DISP1: variants seen among roughly 807,000 people sequenced by gnomAD.
The protein encoded by DISP1 is dispatched RND transporter family member 1, also known as protein dispatched homolog 1.
DISP1 carries 30 observed loss-of-function variants against 37.3 expected under a neutral mutation model. The ratio of observed to expected loss-of-function variants is 0.80; its 90% confidence interval spans 0.60 to 1.09. DISP1 has a LOEUF of 1.09. DISP1 is among the 50% of genes least tolerant of loss of function. The pLI, the probability that DISP1 is intolerant of heterozygous loss-of-function variation, is 0.00. For synonymous variants in DISP1, 634 were observed against 690.2 expected (o/e 0.92, Z 1.28); for missense variants, 1,598 against 1,879.5 (o/e 0.85, Z 2.77).
chr1:222,840,560 T>C (rs963883150), intron 1 of DISP1, among the ~76,000 whole-genome samples: 2 of 120,962 alleles, frequency 1.7e-5, no homozygotes, highest in African/African-American at 3.2e-5. Context: ...AGTATCTCTT[T>C]TTTTTTTTTT....
Position 223,005,646 on chromosome 1 carries a change from T to C in DISP1, c.4249T>C (p.Cys1417Arg), listed in dbSNP as rs184692250. 1.8e-4 allele frequency: 290 copies of C among 1,613,246 alleles called. 1 individual carries two copies. In the East Asian group the frequency reaches 6.3e-3, roughly 35 times the overall value. ...CCCCGAGAATAAACAAAGGGAACTC[T>C]GTAAAAATAGAGACGTGAGCAATCT... ...CDPENKQREL[C>R]KNRDVSNLES... The change falls in exon 9 of 9, where the codon TGT becomes CGT. Residue 1417 changes from cysteine to arginine, a missense_variant. Cys to Arg is a radical substitution (Grantham distance 180, BLOSUM62 -3). Coordinates refer to ENST00000675850, the MANE Select transcript of DISP1 (RefSeq NM_001377229.1).
chr1:222,884,007 G>C (rs1670430948), intron 1 of DISP1, among the ~76,000 whole-genome samples: 1 of 152,132 alleles, frequency 6.6e-6, no homozygotes, highest in South Asian at 2.1e-4. Flanking sequence ...GCCTAATAGA[G>C]TGCCTGTCCT....
rs149866849 is a variant in DISP1 at position 222,904,757 on chromosome 1, G to A, written c.-158-23673G>A. On this transcript the variant is annotated intron_variant, in intron 1 of 8. Transcript: ENST00000675850. Reference sequence around the variant, plus strand: ...CAATTTTTGTGTTTTTAGTAGAGACGGGGTTTCACCATATTGGCCAGGCTG... The same window carrying A: ...CAATTTTTGTGTTTTTAGTAGAGACAGGGTTTCACCATATTGGCCAGGCTG... Among the ~76,000 whole-genome samples the A allele has an allele frequency of 3.4e-3, 516 of 151,908 alleles. 11 individuals carry two copies. Among genetic ancestry groups the A allele is most frequent in the Admixed American group, 0.018 (270 of 15,242 alleles).
In DISP1 at chr1:222,963,880, C is replaced by A. The variant is rs112559485; in HGVS notation, c.510-19200C>A. The stretch of plus-strand genomic sequence containing the variant: ...CACATTCTGCACATGTATCCCGGAA[C>A]TTAAAGTAAATTTTAAAGAAGAGAA... On this transcript the variant is annotated intron_variant, in intron 3 of 8. Transcript: ENST00000675850. Among the ~76,000 whole-genome samples, 990 of 151,876 alleles carry A rather than the reference C, an allele frequency of 6.5e-3. 11 individuals carry two copies. The highest frequency in any genetic ancestry group is 0.041 in the South Asian group (197 of 4,808).
chr1:222,939,381 T>A (rs1674209068), intron 2 of DISP1, among the ~76,000 whole-genome samples: 1 of 123,858 alleles, frequency 8.1e-6, no homozygotes. Context: ...TTTTTTTTTT[T>A]TACTGAGGAT....
At chr1:222,960,348 G>A (rs749263055) in intron 3 of DISP1, among the ~76,000 whole-genome samples, 3 of 152,238 alleles carry the variant, frequency 2.0e-5, no homozygotes, top group East Asian at 3.9e-4. Context: ...CATGGAAATC[G>A]AATAACCTGC....
chr1:222,984,668 AG>A (rs1167059173), intron 4 of DISP1, among the ~76,000 whole-genome samples: 4 of 151,996 alleles, frequency 2.6e-5, no homozygotes, highest in African/African-American at 9.7e-5. Context: ...ACTATTTTTA[AG>A]AGTACAGTTC....
chr1:222,849,116 A>T (rs961207742), intron 1 of DISP1, among the ~76,000 whole-genome samples: 13 of 152,150 alleles, frequency 8.5e-5, no homozygotes, highest in Non-Finnish European at 1.9e-4. Flanking sequence ...CTAATGTTCT[A>T]GTATTATTTT....
At chr1:222,959,446 A>G (rs1675862328) in intron 3 of DISP1, among the ~76,000 whole-genome samples, 1 of 152,280 alleles carries the variant, frequency 6.6e-6, no homozygotes, top group African/African-American at 2.4e-5. Context: ...CACACCTGTA[A>G]TCCCAGCACT....
chr1:222,855,419 T>C (rs1668494570), intron 1 of DISP1, among the ~76,000 whole-genome samples: 1 of 152,198 alleles, frequency 6.6e-6, no homozygotes, highest in South Asian at 2.1e-4. Context: ...TTGTATTATC[T>C]TCATTAGGAA....
intron 2 of DISP1, among the ~76,000 whole-genome samples, chr1:222,941,726 G>T (rs186759790): frequency 3.9e-4 from 60 of 152,210 alleles, no homozygotes; most frequent in African/African-American, 1.4e-3. Context: ...TGAAAAAGAT[G>T]ATTTCTTCTG....
intron 4 of DISP1, among the ~76,000 whole-genome samples, chr1:222,987,054 T>C (rs1475579926): frequency 6.6e-6 from 1 of 151,202 alleles, no homozygotes; most frequent in African/African-American, 2.4e-5. Flanking sequence ...TGGATATATA[T>C]ATATATATAT....
Position 223,005,702 on chromosome 1 carries a change from AGGAG to A in DISP1, c.4309_4312del (p.Gly1437LysfsTer4), listed in dbSNP as rs763292841. On this transcript the variant is annotated frameshift_variant, in exon 9 of 9. Transcript: ENST00000675850. LOFTEE classifies it low-confidence loss of function (END_TRUNC). ...GCAGTGGAGGGACTGAAAACAAGGC[AGGAG>A]GGAAAGTGGAGCTGAGCTTGTCACA... is the stretch of plus-strand genomic sequence containing the variant. 6 of 1,614,064 alleles carry A rather than the reference AGGAG, an allele frequency of 3.7e-6. No homozygotes were observed. The South Asian group carries it at 6.6e-5, about 18-fold the overall frequency.
At chr1:223,001,754 G>A (rs75213055) in intron 8 of DISP1, among the ~76,000 whole-genome samples, 2,771 of 152,198 alleles carry the variant, frequency 0.018, 79 homozygotes, top group African/African-American at 0.064. Context: ...TTGTGATTTA[G>A]TCACCTTCCA....
At chr1:222,818,034 G>A (rs1661690004) in intron 1 of DISP1, among the ~76,000 whole-genome samples, 1 of 152,134 alleles carries the variant, frequency 6.6e-6, no homozygotes. Flanking sequence ...ACTCACAATG[G>A]CAAATATTGT....
intron 1 of DISP1, among the ~76,000 whole-genome samples, chr1:222,917,343 TGCAGGGACAG>T (rs1171020962): frequency 9.9e-5 from 15 of 152,256 alleles, no homozygotes; most frequent in African/African-American, 3.1e-4. Context: ...AGCAGAGACT[TGCAGGGACAG>T]GGAGGGACAG....
intron 3 of DISP1, among the ~76,000 whole-genome samples, chr1:222,978,296 GT>G (rs1677550920): frequency 6.6e-6 from 1 of 152,084 alleles, no homozygotes; most frequent in African/African-American, 2.4e-5. Flanking sequence ...TTTTTCATGT[GT>G]TTTTTGGCTG....
At position 222,838,763 on chromosome 1, in the gene DISP1, T is replaced by G. The variant is rs185671788; in HGVS notation, c.-159+23685T>G. ...TCCAGCTTGTGCAACAGAGTGAGAC[T>G]GTGTCTCAAAAATATAAGTAAACTT... is the stretch of plus-strand genomic sequence containing the variant. On this transcript the variant is annotated intron_variant, in intron 1 of 8. Coordinates refer to ENST00000675850, the MANE Select transcript of DISP1 (RefSeq NM_001377229.1). Among the ~76,000 whole-genome samples, 16 of 152,378 alleles carry G rather than the reference T, an allele frequency of 1.1e-4. No individual in the cohort carries two copies. The East Asian group carries it at 3.1e-3, about 29-fold the overall frequency.
chr1:222,872,477 C>T (rs1669649202), intron 1 of DISP1: 1 of 152,140 alleles, frequency 6.6e-6, no homozygotes, highest in African/African-American at 2.4e-5. Flanking sequence ...TGTTATTGGT[C>T]TATTCAGAGA....
Sources: gnomAD v4.1 joint callset for allele counts (sites outside exome capture counted in the v4.1 genomes callset) on GRCh38, gnomAD v4.1.1 for gene constraint, MANE v1.5 for transcripts, NCBI Gene and HGNC (gene_info 2026-07-23, HGNC 2026-07-21) for gene names.